The following SSU72 variants were observed in gnomAD, a reference collection of about 807,000 sequenced individuals.
SSU72 encodes SSU72 homolog, RNA polymerase II CTD phosphatase, also known as RNA polymerase II subunit A C-terminal domain phosphatase SSU72.
SSU72 carries 12 observed loss-of-function variants against 22.7 expected under a neutral mutation model. That is an observed-to-expected ratio of 0.53 (90% CI 0.34 to 0.86). The LOEUF (loss-of-function observed/expected upper bound fraction) is 0.86, where lower values mean the gene tolerates loss of function less well. Among genes scored for constraint, SSU72 ranks in the 40% least tolerant of loss-of-function variants. The pLI, the probability that SSU72 is intolerant of heterozygous loss-of-function variation, is 0.02. For synonymous variants in SSU72, 116 were observed against 98.3 expected, an observed-to-expected ratio of 1.18 and a Z score of -1.06; for missense variants, 151 against 249.8, an observed-to-expected ratio of 0.60 and a Z score of 2.67.
chr1:1,557,942 G>A (rs1642540765), intron 2 of SSU72, among the ~76,000 whole-genome samples: 1 of 152,072 alleles, frequency 6.6e-6, no homozygotes, highest in Non-Finnish European at 1.5e-5. Context: ...CAGGTGCAGT[G>A]GCAACCCCTA....
chr1:1,573,534 C>T (rs1262891824), intron 1 of SSU72, among the ~76,000 whole-genome samples: 1 of 151,780 alleles, frequency 6.6e-6, no homozygotes, highest in Non-Finnish European at 1.5e-5. Flanking sequence ...TTTTTGGTCT[C>T]CAACTCCTGA....
chr1:1,567,085 G>A (rs550803311), intron 1 of SSU72, among the ~76,000 whole-genome samples: 3 of 152,148 alleles, frequency 2.0e-5, no homozygotes, highest in Non-Finnish European at 2.9e-5. Context: ...GCCCACTGCC[G>A]GCCTTCCACA....
chr1:1,546,874 A>C (rs796683417), intron 2 of SSU72, among the ~76,000 whole-genome samples: 3,426 of 135,862 alleles, frequency 0.025, 98 homozygotes, highest in Admixed American at 0.07. Context: ...AAAAAAAAAA[A>C]AAAAAAAAAA....
intron 2 of SSU72, among the ~76,000 whole-genome samples, chr1:1,555,805 C>T (rs531623784): frequency 6.6e-6 from 1 of 152,112 alleles, no homozygotes; most frequent in East Asian, 1.9e-4. Flanking sequence ...CAAGACCAGC[C>T]TGGGCAACAG....
chr1:1,574,564 G>A lies in SSU72; in HGVS notation c.-7C>T. ...GCAGCGGGGACGACGGCATGGCGGC[G>A]GCCGCAAATCCCGCGGCTCTCCCGC... On this transcript the variant is annotated 5_prime_UTR_variant, in exon 1 of 5. Coordinates refer to ENST00000291386, the MANE Select transcript of SSU72 (RefSeq NM_014188.3). 2 of 1,583,722 alleles carry A rather than the reference G, an allele frequency of 1.3e-6. No homozygotes were observed. The highest frequency in any genetic ancestry group is 1.4e-5 in the African/African-American group (1 of 71,444).
chr1:1,568,431 TA>T (rs113267529), intron 1 of SSU72, among the ~76,000 whole-genome samples: 5 of 146,548 alleles, frequency 3.4e-5, no homozygotes, highest in African/African-American at 5.0e-5. Context: ...GTCTCTACTT[TA>T]AAAAAAAAAT....
chr1:1,556,280 G>T (rs1642519708), intron 2 of SSU72, among the ~76,000 whole-genome samples: 1 of 152,112 alleles, frequency 6.6e-6, no homozygotes, highest in African/African-American at 2.4e-5. Flanking sequence ...AAAATACAAA[G>T]AATTAGCCAG....
Position 1,554,936 on chromosome 1 carries a change from T to A in SSU72, c.224+9837A>T, listed in dbSNP as rs1642502758. Reference sequence around the variant, plus strand: ...GCAGAGACTTCCTTGACGTCAAGTCTCCTGAAGGTGTTGATGCTCCGTGGA... The same window carrying A: ...GCAGAGACTTCCTTGACGTCAAGTCACCTGAAGGTGTTGATGCTCCGTGGA... On this transcript the variant is annotated intron_variant, in intron 2 of 4. Transcript: ENST00000291386. This position sits in a 1 kb window ranked among gnomAD's most constrained non-coding sequence, Gnocchi z 4.1. Among the ~76,000 whole-genome samples, 1 of 152,100 alleles carries A rather than the reference T, an allele frequency of 6.6e-6. No homozygotes were observed. Among genetic ancestry groups the A allele is most frequent in the South Asian group, 2.1e-4 (1 of 4,820 alleles).
intron 2 of SSU72, among the ~76,000 whole-genome samples, chr1:1,553,615 A>AAT (rs1478459345): frequency 7.5e-5 from 8 of 106,474 alleles, no homozygotes; most frequent in African/African-American, 4.6e-4. Context: ...CTCTACTAAA[A>AAT]ATACAAAAAA....
At chr1:1,547,166 G>A (rs1165949567) in intron 2 of SSU72, among the ~76,000 whole-genome samples, 2 of 152,166 alleles carry the variant, frequency 1.3e-5, no homozygotes, top group Admixed American at 1.3e-4. Flanking sequence ...CAGCTTCATG[G>A]TGGGCACAGG....
chr1:1,547,197 C>T (rs75265293), intron 2 of SSU72, among the ~76,000 whole-genome samples: 2,632 of 152,174 alleles, frequency 0.017, 73 homozygotes, highest in African/African-American at 0.06. Flanking sequence ...CCTGCACATC[C>T]CTGAGCAAGA....
intron 2 of SSU72, among the ~76,000 whole-genome samples, chr1:1,559,910 G>A (rs1325483953): frequency 6.6e-6 from 1 of 152,096 alleles, no homozygotes; most frequent in East Asian, 1.9e-4. Context: ...TTTTAGTAGA[G>A]ACGGGGGTTT....
At position 1,564,691 on chromosome 1, in the gene SSU72, C is replaced by T. The variant is rs538221515; in HGVS notation, c.224+82G>A. The stretch of plus-strand genomic sequence containing the variant: ...AGTGTGTGCACTGCACAGGGTGACA[C>T]GCCTCCTGTGCCCGAGCCACACGTA... On this transcript the variant is annotated intron_variant, in intron 2 of 4. Transcript: ENST00000291386. 1.3e-5 allele frequency: 21 copies of T among 1,613,966 alleles called. No homozygotes were observed. In the African/African-American group the frequency reaches 1.5e-4, roughly 11 times the overall value.
chr1:1,551,358 G>A (rs1030821851), intron 2 of SSU72, among the ~76,000 whole-genome samples: 10 of 152,244 alleles, frequency 6.6e-5, no homozygotes, highest in Admixed American at 1.3e-4. Context: ...GGACCCCAGA[G>A]GCTGCAAAGG....
intron 1 of SSU72, among the ~76,000 whole-genome samples, chr1:1,566,482 T>A (rs184799431): frequency 5.8e-4 from 89 of 152,306 alleles, no homozygotes; most frequent in Admixed American, 1.1e-3. Context: ...GTCATTCTTG[T>A]TCAGAAAAGT....
rs1642341170 is a variant in SSU72 at position 1,542,870 on chromosome 1, G to A, written c.484-703C>T. On this transcript the variant is annotated intron_variant, in intron 4 of 4. Transcript: ENST00000291386. The surrounding 1 kb of genome is among the most constrained non-coding windows in gnomAD (Gnocchi z 4.4). ...CGCTTCAGCAGCCACACTGGACCGT[G>A]AGGCACGTGGGGACCAGAAGCCATG... Among the ~76,000 whole-genome samples, 1 of 152,236 alleles carries A rather than the reference G, an allele frequency of 6.6e-6. No individual in the cohort carries two copies. The highest frequency in any genetic ancestry group is 1.5e-5 in the Non-Finnish European group (1 of 68,052).
Position 1,542,735 on chromosome 1 carries a change from T to C in SSU72, c.484-568A>G, listed in dbSNP as rs1642338670. On this transcript the variant is annotated intron_variant, in intron 4 of 4. Coordinates refer to ENST00000291386, the MANE Select transcript of SSU72 (RefSeq NM_014188.3). The surrounding 1 kb of genome is among the most constrained non-coding windows in gnomAD (Gnocchi z 4.4). The stretch of plus-strand genomic sequence containing the variant: ...CTCTAAGCAAGGAGCGGCCTGTCTG[T>C]GACTCAGCTCTGGCCAACGTGACCC... Among the ~76,000 whole-genome samples the C allele has an allele frequency of 6.6e-6, 1 of 152,108 alleles. No individual in the cohort carries two copies. Among genetic ancestry groups the C allele is most frequent in the Non-Finnish European group, 1.5e-5 (1 of 68,024 alleles).
At chr1:1,555,768 C>A (rs970808184) in intron 2 of SSU72, among the ~76,000 whole-genome samples, 5 of 152,084 alleles carry the variant, frequency 3.3e-5, no homozygotes, top group African/African-American at 1.2e-4. Context: ...GAGGCCAAGG[C>A]AGGCAGACTG....
chr1:1,545,036 G>T (rs373155134), intron 2 of SSU72, 34 bp from the exon 3 acceptor site: 6 of 1,605,210 alleles, frequency 3.7e-6, no homozygotes, highest in South Asian at 1.1e-5. Context: ...TCAGAGAAAA[G>T]GCATCTGTGT....
Sources: gnomAD v4.1 joint callset for allele counts (sites outside exome capture counted in the v4.1 genomes callset) on GRCh38, gnomAD v4.1.1 for gene constraint, Gnocchi (gnomAD v3.1) non-coding constraint, MANE v1.5 for transcripts, NCBI Gene and HGNC (gene_info 2026-07-23, HGNC 2026-07-21) for gene names.